ZFPM2: variants seen among roughly 807,000 people sequenced by gnomAD.
The protein encoded by ZFPM2 is zinc finger protein ZFPM2.
ZFPM2 carries 20 observed loss-of-function variants against 98.6 expected under a neutral mutation model. That is an observed-to-expected ratio of 0.20 (90% CI 0.14 to 0.29). The LOEUF (loss-of-function observed/expected upper bound fraction) is 0.29. Ranked by LOEUF, ZFPM2 falls within the 10% of genes least tolerant of loss-of-function variation. The probability of loss-of-function intolerance (pLI) is 1.00; values close to 1 mark genes in which losing one functional copy is unlikely to be tolerated. For synonymous variants in ZFPM2, 518 were observed against 502.7 expected, an observed-to-expected ratio of 1.03 and a Z score of -0.41; for missense variants, 1,310 against 1,388.6, an observed-to-expected ratio of 0.94 and a Z score of 0.90.
At chr8:105,338,194 T>C (rs1009987942) in intron 1 of ZFPM2, among the ~76,000 whole-genome samples, 3 of 151,814 alleles carry the variant, frequency 2.0e-5, no homozygotes, top group African/African-American at 7.2e-5. Context: ...TTTTTCACTA[T>C]GCATAGAGAT....
At chr8:105,403,821 G>A (rs542285830) in intron 1 of ZFPM2, among the ~76,000 whole-genome samples, 57 of 152,086 alleles carry the variant, frequency 3.7e-4, no homozygotes, top group Admixed American at 1.1e-3. Flanking sequence ...AGCGTGCAGC[G>A]TCTAGCGTGA....
intron 1 of ZFPM2, among the ~76,000 whole-genome samples, chr8:105,337,829 G>T (rs1260828655): frequency 6.6e-6 from 1 of 151,048 alleles, no homozygotes; most frequent in Non-Finnish European, 1.5e-5. Context: ...TGCAAATTTT[G>T]TGAGTGAGTT....
At chr8:105,384,578 A>G (rs1416821070) in intron 1 of ZFPM2, among the ~76,000 whole-genome samples, 1 of 151,976 alleles carries the variant, frequency 6.6e-6, no homozygotes, top group Non-Finnish European at 1.5e-5. Context: ...ATCCCATCAC[A>G]TTGTGAGAGA....
intron 5 of ZFPM2, among the ~76,000 whole-genome samples, chr8:105,667,893 T>C (rs2130898339): frequency 6.6e-6 from 1 of 152,370 alleles, no homozygotes; most frequent in East Asian, 1.9e-4. Context: ...CTTTGATTTC[T>C]ATTGTGATAC....
At chr8:105,622,290 C>A (rs116350669) in intron 4 of ZFPM2, among the ~76,000 whole-genome samples, 2,201 of 152,086 alleles carry the variant, frequency 0.014, 49 homozygotes, top group African/African-American at 0.049. Flanking sequence ...TTCCAACATA[C>A]GCATTGATGC....
At chr8:105,708,114 A>T (rs1003184890) in intron 5 of ZFPM2, among the ~76,000 whole-genome samples, 10 of 152,120 alleles carry the variant, frequency 6.6e-5, no homozygotes, top group Non-Finnish European at 5.9e-5. Context: ...GACTTTCTCT[A>T]ATTAGCCACA....
intron 1 of ZFPM2, among the ~76,000 whole-genome samples, chr8:105,372,328 C>T (rs1810640414): frequency 6.6e-6 from 1 of 152,058 alleles, no homozygotes; most frequent in Non-Finnish European, 1.5e-5. Context: ...AGGCGTGAGC[C>T]ACCGCGCCCG....
At chr8:105,548,163 A>G (rs1291808085) in intron 3 of ZFPM2, among the ~76,000 whole-genome samples, 1 of 152,074 alleles carries the variant, frequency 6.6e-6, no homozygotes, top group Non-Finnish European at 1.5e-5. Context: ...AAACTCTTTG[A>G]TTGTTAGGAA....
intron 1 of ZFPM2, among the ~76,000 whole-genome samples, chr8:105,324,788 C>T (rs2130652096): frequency 2.0e-5 from 3 of 151,956 alleles, no homozygotes; most frequent in Admixed American, 2.0e-4. Context: ...AACACCTTCC[C>T]AGATGAACTT....
At chr8:105,329,659 T>C (rs1586295249) in intron 1 of ZFPM2, among the ~76,000 whole-genome samples, 1 of 151,760 alleles carries the variant, frequency 6.6e-6, no homozygotes, top group East Asian at 1.9e-4. Context: ...GAAAAATTAC[T>C]TCGTAAATTA....
chr8:105,465,040 A>T (rs1012092185), intron 3 of ZFPM2, among the ~76,000 whole-genome samples: 1 of 151,734 alleles, frequency 6.6e-6, no homozygotes, highest in Non-Finnish European at 1.5e-5. Context: ...GGGAAATTCT[A>T]TAATTGATTT....
At chr8:105,518,952 T>G (rs1272950640) in intron 3 of ZFPM2, among the ~76,000 whole-genome samples, 1 of 152,178 alleles carries the variant, frequency 6.6e-6, no homozygotes, top group East Asian at 1.9e-4. Flanking sequence ...ATGTGTTAGT[T>G]AAGGGGAACT....
intron 1 of ZFPM2, among the ~76,000 whole-genome samples, chr8:105,370,233 A>T (rs1466492412): frequency 6.6e-6 from 1 of 152,206 alleles, no homozygotes; most frequent in African/African-American, 2.4e-5. Flanking sequence ...TATGCAGAAG[A>T]CAACAAAAGA....
At chr8:105,748,926 C>T (rs1812413112) in intron 5 of ZFPM2, among the ~76,000 whole-genome samples, 1 of 151,996 alleles carries the variant, frequency 6.6e-6, no homozygotes, top group African/African-American at 2.4e-5. Context: ...CTATATTTTC[C>T]TACCATTAAA....
chr8:105,594,293 C>T (rs1815916206), intron 4 of ZFPM2, among the ~76,000 whole-genome samples: 1 of 152,014 alleles, frequency 6.6e-6, no homozygotes, highest in Admixed American at 6.6e-5. Flanking sequence ...ACATTAATTT[C>T]TAGAAGATTC....
intron 4 of ZFPM2, among the ~76,000 whole-genome samples, chr8:105,608,580 GTTTTTT>G (rs397978197): frequency 4.6e-5 from 5 of 108,748 alleles, no homozygotes; most frequent in African/African-American, 1.7e-4. Flanking sequence ...AACACCAAGA[GTTTTTT>G]TTTTTTTTTT....
intron 5 of ZFPM2, among the ~76,000 whole-genome samples, chr8:105,719,726 A>G (rs574971337): frequency 1.3e-5 from 2 of 152,026 alleles, no homozygotes; most frequent in African/African-American, 2.4e-5. Context: ...GTGTTTAGCA[A>G]TGTTGCTATT....
chr8:105,526,597 T>C lies in ZFPM2; in HGVS notation c.302-34766T>C, dbSNP rs144557423. 3.9e-5 allele frequency among the ~76,000 whole-genome samples: 6 copies of C among 152,224 alleles called. No homozygotes were observed. The East Asian group carries it at 1.2e-3, about 29-fold the overall frequency. On this transcript the variant is annotated intron_variant, in intron 3 of 7. Coordinates refer to ENST00000407775, the MANE Select transcript of ZFPM2 (RefSeq NM_012082.4). The stretch of plus-strand genomic sequence containing the variant: ...CAATATTGAGTCTTCTTAAAGACAA[T>C]GGAAATGGTGATCTCAAGTGAGATA...
intron 1 of ZFPM2, among the ~76,000 whole-genome samples, chr8:105,391,173 A>G (rs1811099913): frequency 6.6e-6 from 1 of 152,110 alleles, no homozygotes. Flanking sequence ...GTATGGTACC[A>G]TTTTTCCACC....
Sources: gnomAD v4.1 joint callset for allele counts (sites outside exome capture counted in the v4.1 genomes callset) on GRCh38, gnomAD v4.1.1 for gene constraint, MANE v1.5 for transcripts, NCBI Gene and HGNC (gene_info 2026-07-23, HGNC 2026-07-21) for gene names.